The following OTOGL variants were observed in gnomAD, a reference collection of about 807,000 sequenced individuals.
OTOGL encodes the protein otogelin-like protein.
Under a neutral mutation model 318.5 loss-of-function variants are expected in OTOGL, and 285 were observed. That is an observed-to-expected ratio of 0.89 (90% CI 0.81 to 0.99). The LOEUF (loss-of-function observed/expected upper bound fraction) is 0.99. OTOGL is among the 50% of genes least tolerant of loss of function. OTOGL has a pLI of 0.00. For missense variants in OTOGL, 2,899 were observed against 2,845.6 expected (o/e 1.02, Z -0.43); for synonymous variants, 987 against 936.5 (o/e 1.05, Z -0.99).
chr12:80,377,544 T>C (rs913523269), intron 58 of OTOGL, among the ~76,000 whole-genome samples: 4 of 152,146 alleles, frequency 2.6e-5, no homozygotes, highest in Admixed American at 2.6e-4. Context: ...GCTTGAGCCA[T>C]GATATGACAC....
chr12:80,276,027 A>G (rs1372123201), intron 24 of OTOGL, among the ~76,000 whole-genome samples: 1 of 151,804 alleles, frequency 6.6e-6, no homozygotes, highest in Non-Finnish European at 1.5e-5. Context: ...CCAAATTAAC[A>G]ATATCTCTGA....
intron 1 of OTOGL, among the ~76,000 whole-genome samples, chr12:80,179,282 C>T (rs1197680558): frequency 6.6e-6 from 1 of 152,130 alleles, no homozygotes; most frequent in Non-Finnish European, 1.5e-5. Context: ...GAAATAGAGT[C>T]AGGCTCTTAA....
intron 32 of OTOGL, among the ~76,000 whole-genome samples, chr12:80,317,312 A>G (rs750680392): frequency 7.2e-5 from 11 of 152,208 alleles, no homozygotes; most frequent in East Asian, 1.9e-4. Flanking sequence ...TGATAAGATC[A>G]ATGACTTTTG....
At chr12:80,253,392 T>C in intron 13 of OTOGL, 74 bp from the exon 14 acceptor site, 1 of 1,376,966 alleles carries the variant, frequency 7.3e-7, no homozygotes, top group Admixed American at 1.8e-5. Flanking sequence ...AGAAGTTGGT[T>C]GAATTATTAT....
At chr12:80,145,604 G>C (rs1872297648) in intron 1 of OTOGL, among the ~76,000 whole-genome samples, 1 of 151,966 alleles carries the variant, frequency 6.6e-6, no homozygotes, top group Non-Finnish European at 1.5e-5. Context: ...GAAAGGCATT[G>C]GTAGCTTGAT....
At chr12:80,293,163 C>T (rs1182078001) in intron 26 of OTOGL, among the ~76,000 whole-genome samples, 1 of 151,928 alleles carries the variant, frequency 6.6e-6, no homozygotes, top group African/African-American at 2.4e-5. Flanking sequence ...ATAAAGATAG[C>T]TAAAAAGGTA....
chr12:80,375,243 A>C (rs1372437038), intron 57 of OTOGL, among the ~76,000 whole-genome samples: 1 of 152,166 alleles, frequency 6.6e-6, no homozygotes, highest in African/African-American at 2.4e-5. Flanking sequence ...AAAGTTTTTG[A>C]GGAATGAATT....
intron 33 of OTOGL, 107 bp downstream of exon 33, chr12:80,318,820 A>G: frequency 2.5e-6 from 2 of 810,040 alleles, no homozygotes; most frequent in South Asian, 1.3e-4. Context: ...ATTTTTTAAA[A>G]GTGCTCTAAA....
intron 28 of OTOGL, among the ~76,000 whole-genome samples, chr12:80,305,047 G>A (rs894262433): frequency 6.6e-6 from 1 of 152,156 alleles, no homozygotes; most frequent in African/African-American, 2.4e-5. Flanking sequence ...GAGGCATCAG[G>A]AAGGGGGATG....
rs371059949 is a variant in OTOGL at position 80,341,934 on chromosome 12, T to C, written c.5051-14T>C. On this transcript the variant is annotated splice_polypyrimidine_tract_variant and intron_variant, in intron 43 of 58. Transcript: ENST00000547103. ...TTAAGTTTTTTTCTTCTAACTGTCA[T>C]ATATTCTTTCAAGGAATTTGCAATG... The C allele has an allele frequency of 4.5e-5, 71 of 1,565,118 alleles. No individual in the cohort carries two copies. The highest frequency in any genetic ancestry group is 5.9e-5 in the Non-Finnish European group (68 of 1,144,676).
chr12:80,364,789 C>T (rs1890429303), intron 52 of OTOGL, among the ~76,000 whole-genome samples: 1 of 151,968 alleles, frequency 6.6e-6, no homozygotes, highest in African/African-American at 2.4e-5. Context: ...TATGGATATA[C>T]CTTGACATTT....
intron 1 of OTOGL, among the ~76,000 whole-genome samples, chr12:80,128,177 A>G (rs907111962): frequency 1.3e-5 from 2 of 151,832 alleles, no homozygotes; most frequent in African/African-American, 4.8e-5. Flanking sequence ...GGTTTTATCT[A>G]CCTTTTGTCT....
At chr12:80,276,447 T>C (rs545708901) in intron 24 of OTOGL, among the ~76,000 whole-genome samples, 1 of 151,922 alleles carries the variant, frequency 6.6e-6, no homozygotes, top group African/African-American at 2.4e-5. Context: ...CTTATAGTTA[T>C]TGTCACTATA....
intron 1 of OTOGL, among the ~76,000 whole-genome samples, chr12:80,150,614 G>C (rs934330174): frequency 2.6e-5 from 4 of 152,210 alleles, no homozygotes; most frequent in Admixed American, 2.6e-4. Flanking sequence ...AAACTCAAAA[G>C]TAGGTCTTAA....
chr12:80,296,821 T>A lies in OTOGL; in HGVS notation c.2929-6T>A, dbSNP rs529610468. On this transcript the variant is annotated splice_polypyrimidine_tract_variant and splice_region_variant and intron_variant, in intron 26 of 58. Transcript: ENST00000547103. Reference sequence around the variant, plus strand: ...TTGTATTAATAAAATATTTGTGACATTTCAGAGTGCAGATGATTCAGATAT... The same window carrying A: ...TTGTATTAATAAAATATTTGTGACAATTCAGAGTGCAGATGATTCAGATAT... The A allele has an allele frequency of 6.9e-7, 1 of 1,450,010 alleles. No individual in the cohort carries two copies. Among genetic ancestry groups the A allele is most frequent in the South Asian group, 1.4e-5 (1 of 70,348 alleles). The allele number at this position is 1,450,010 out of a possible 1,614,324, so 89.8% of individuals were successfully genotyped here.
rs773596526 is a variant in OTOGL at position 80,310,675 on chromosome 12, A to G, written c.3398A>G (p.Lys1133Arg). The G allele has an allele frequency of 1.3e-6, 2 of 1,596,500 alleles. No homozygotes were observed. The highest frequency in any genetic ancestry group is 2.2e-5 in the East Asian group (1 of 44,818). Residue 1133 changes from lysine to arginine, a missense_variant, in exon 30 of 59, where the codon AAG becomes AGG. Around this residue, in one of 3 missense-constraint regions of OTOGL, gnomAD observed 2,607 missense variants for 2,524.9 expected, o/e 1.03. Transcript: ENST00000547103. The stretch of plus-strand genomic sequence containing the variant: ...CATCAAAACAAATTTCCTTATGCCA[A>G]GAAAGAATGCTCCATTTTGTACAGT... ...EAHQNKFPYA[K>R]KECSILYSDI...
chr12:80,176,705 A>G, intron 1 of OTOGL, among the ~76,000 whole-genome samples: 1 of 152,126 alleles, frequency 6.6e-6, no homozygotes, highest in Non-Finnish European at 1.5e-5. Context: ...GTAAGCATCA[A>G]TGTATATATT....
intron 1 of OTOGL, among the ~76,000 whole-genome samples, chr12:80,165,025 TA>T (rs2137202079): frequency 6.6e-6 from 1 of 152,174 alleles, no homozygotes; most frequent in Non-Finnish European, 1.5e-5. Context: ...GGGACTGGCA[TA>T]AAATAAAATG....
chr12:80,378,160 T>G lies in OTOGL; in HGVS notation c.*112T>G. 1.2e-6 allele frequency: 1 copy of G among 801,498 alleles called. No individual in the cohort carries two copies. Among genetic ancestry groups the G allele is most frequent in the Non-Finnish European group, 1.9e-6 (1 of 529,406 alleles). 49.6% of individuals were successfully genotyped at this position (801,498 alleles called of 1,614,324 possible). ...TATGCTGTTTAACAATACTGTATTT[T>G]TCAGACTTGGAATGTGGAAATTTAG... On this transcript the variant is annotated 3_prime_UTR_variant, in exon 59 of 59. Coordinates refer to ENST00000547103, the MANE Select transcript of OTOGL (RefSeq NM_001378609.3).
Sources: gnomAD v4.1 joint callset for allele counts (sites outside exome capture counted in the v4.1 genomes callset) on GRCh38, gnomAD v4.1.1 for gene constraint, gnomAD v4.1.1 regional missense constraint, MANE v1.5 for transcripts, NCBI Gene and HGNC (gene_info 2026-07-23, HGNC 2026-07-21) for gene names.